EPHA1: variants seen among roughly 807,000 people sequenced by gnomAD.
EPHA1 encodes the protein EPH receptor A1, also known as ephrin type-A receptor 1.
In EPHA1, 92 loss-of-function variants were observed where a neutral mutation model predicts 110.1. That is an observed-to-expected ratio of 0.84 (90% CI 0.71 to 0.99). The LOEUF (loss-of-function observed/expected upper bound fraction) is 0.99, where lower values mean the gene tolerates loss of function less well. Among genes scored for constraint, EPHA1 ranks in the 50% least tolerant of loss-of-function variants. The probability of loss-of-function intolerance (pLI) is 0.00; values close to 1 mark genes in which losing one functional copy is unlikely to be tolerated. For missense variants in EPHA1, 1,204 were observed against 1,285.4 expected (o/e 0.94, Z 0.97); for synonymous variants, 500 against 516.1 (o/e 0.97, Z 0.42).
In EPHA1 at chr7:143,399,642, C is replaced by T. The variant is rs765393001; in HGVS notation, c.835+9G>A. On this transcript the variant is annotated intron_variant, in intron 4 of 17. Transcript: ENST00000275815. ...TGGTTCCTCAGGTTCTCACCGCCTCCGTTCTTACCAACACATGCTTCGCCA... is the reference window on the plus strand; with the variant it reads ...TGGTTCCTCAGGTTCTCACCGCCTCTGTTCTTACCAACACATGCTTCGCCA... The T allele has an allele frequency of 2.0e-5, 33 of 1,612,714 alleles. No homozygotes were observed. The highest frequency in any genetic ancestry group is 1.9e-4 in the Middle Eastern group (1 of 5,284).
Position 143,395,295 on chromosome 7 carries a change from G to C in EPHA1, c.2083+24C>G. On this transcript the variant is annotated intron_variant, in intron 12 of 17. Coordinates refer to ENST00000275815, the MANE Select transcript of EPHA1 (RefSeq NM_005232.5). This position sits in a 1 kb window ranked among gnomAD's most constrained non-coding sequence, Gnocchi z 4.7. ...CTCTTTCCTGCATTTCCCGCCCCCA[G>C]CTGAGGGAGACCACTCATCGTACGC... 6.2e-7 allele frequency: 1 copy of C among 1,613,994 alleles called. No individual in the cohort carries two copies. Among genetic ancestry groups the C allele is most frequent in the Non-Finnish European group, 8.5e-7 (1 of 1,179,966 alleles).
chr7:143,404,829 A>G (rs1407186851), intron 2 of EPHA1, among the ~76,000 whole-genome samples: 1 of 152,142 alleles, frequency 6.6e-6, no homozygotes, highest in African/African-American at 2.4e-5. Flanking sequence ...AAAAGCTCTC[A>G]AATTCTATAA....
In EPHA1 at chr7:143,408,831, T is replaced by C. The variant is rs1317778838; in HGVS notation, c.-26A>G. 2 of 980,472 alleles carry C rather than the reference T, an allele frequency of 2.0e-6. No homozygotes were observed. The highest frequency in any genetic ancestry group is 9.6e-5 in the South Asian group (2 of 20,826). The allele number at this position is 980,472 out of a possible 1,614,324, so 60.7% of individuals were successfully genotyped here. A position where few individuals can be genotyped will look rare whatever the true frequency, so the allele number is the denominator to read the frequency against. On this transcript the variant is annotated 5_prime_UTR_variant, in exon 1 of 18. Coordinates refer to ENST00000275815, the MANE Select transcript of EPHA1 (RefSeq NM_005232.5). ...AGCTCCGGGCCGGGACCTGGGACAG[T>C]GGCCCGGATGGCAGCGCCAGGTTGC...
At chr7:143,406,525 T>C (rs1361391285) in intron 2 of EPHA1, among the ~76,000 whole-genome samples, 1 of 152,230 alleles carries the variant, frequency 6.6e-6, no homozygotes, top group Non-Finnish European at 1.5e-5. Flanking sequence ...AGCAAACTAA[T>C]TGAACCCGAG....
In EPHA1 at chr7:143,407,186, C is replaced by T. The variant is rs953283536; in HGVS notation, c.150+425G>A. Reference sequence around the variant, plus strand: ...GTACACTTTCATGGGGTTTCCCCACCCCCTGAAACCTATCAATGCAACTTC... The same window carrying T: ...GTACACTTTCATGGGGTTTCCCCACTCCCTGAAACCTATCAATGCAACTTC... On this transcript the variant is annotated intron_variant, in intron 2 of 17. Transcript: ENST00000275815. Among the ~76,000 whole-genome samples, 4 of 152,108 alleles carry T rather than the reference C, an allele frequency of 2.6e-5. No homozygotes were observed. The South Asian group carries it at 8.3e-4, about 32-fold the overall frequency.
At chr7:143,392,241 T>C (rs564558341) in intron 16 of EPHA1, among the ~76,000 whole-genome samples, 1 of 152,338 alleles carries the variant, frequency 6.6e-6, no homozygotes, top group African/African-American at 2.4e-5. Flanking sequence ...CGGCTGTTAT[T>C]CTTGCACTCT....
intron 2 of EPHA1, among the ~76,000 whole-genome samples, chr7:143,403,571 C>A (rs1805475998): frequency 6.6e-6 from 1 of 151,910 alleles, no homozygotes. Context: ...GTAAGATTTC[C>A]ATGGAACTGC....
intron 10 of EPHA1, chr7:143,396,797 G>A (rs754569506): frequency 5.2e-6 from 2 of 387,092 alleles, no homozygotes; most frequent in South Asian, 3.0e-5. Flanking sequence ...TCTTCTCAGC[G>A]GCCAGTCCCC....
intron 2 of EPHA1, among the ~76,000 whole-genome samples, chr7:143,406,351 G>T (rs1171109580): frequency 2.6e-5 from 4 of 152,216 alleles, no homozygotes; most frequent in Non-Finnish European, 5.9e-5. Flanking sequence ...AGGGCTTCTG[G>T]ATGGCCATAC....
intron 1 of EPHA1, 23 bp from the exon 2 acceptor site, chr7:143,407,701 T>C (rs1443645965): frequency 6.8e-6 from 11 of 1,610,274 alleles, no homozygotes; most frequent in Non-Finnish European, 8.5e-6. Context: ...AGAAAAGAAG[T>C]CTGTCACCTC....
Position 143,398,147 on chromosome 7 carries a change from T to C in EPHA1, c.1465-77A>G, listed in dbSNP as rs558325954. 76 of 1,593,832 alleles carry C rather than the reference T, an allele frequency of 4.8e-5. 2 individuals carry two copies. In the South Asian group the frequency reaches 6.1e-4, roughly 13 times the overall value. ...ATGTGATGGACAGCATCAGAGCACA[T>C]GGGGAGGGGCTGGAGAGCAGAATGG... is the stretch of plus-strand genomic sequence containing the variant. On this transcript the variant is annotated intron_variant, in intron 7 of 17. Transcript: ENST00000275815.
At position 143,393,464 on chromosome 7, in the gene EPHA1, CTG is replaced by C. The variant is rs990081654; in HGVS notation, c.2696+205_2696+206del. On this transcript the variant is annotated intron_variant, in intron 16 of 17. Coordinates refer to ENST00000275815, the MANE Select transcript of EPHA1 (RefSeq NM_005232.5). This position sits in a 1 kb window ranked among gnomAD's most constrained non-coding sequence, Gnocchi z 5.6. The stretch of plus-strand genomic sequence containing the variant: ...CCCAAGCCCAGGTGAAGTGAGGGAA[CTG>C]GGGCCCAGCCATAACTGATTTTCTG... Among the ~76,000 whole-genome samples, 10 of 152,274 alleles carry C rather than the reference CTG, an allele frequency of 6.6e-5. No homozygotes were observed. Among genetic ancestry groups the C allele is most frequent in the African/African-American group, 2.4e-4 (10 of 41,552 alleles).
intron 2 of EPHA1, among the ~76,000 whole-genome samples, chr7:143,403,390 A>T (rs182604896): frequency 1.3e-5 from 2 of 151,606 alleles, no homozygotes; most frequent in Non-Finnish European, 1.5e-5. Context: ...TTTGAAAGAT[A>T]GCCACAAAAG....
In EPHA1 at chr7:143,398,063, T is replaced by C; in HGVS notation, c.1472A>G (p.Glu491Gly). 6.2e-7 allele frequency: 1 copy of C among 1,614,046 alleles called. No homozygotes were observed. Among genetic ancestry groups the C allele is most frequent in the Admixed American group, 1.7e-5 (1 of 60,010 alleles). ...YELHVLNQDE[E>G]RYQMVLEPRV... ...GGGTTCTAGAACCATCTGGTACCGT[T>C]CTTCATCCTGTGGGTTGGAGTTGCA... The change falls in exon 8 of 18, where the codon GAA becomes GGA. Residue 491 changes from glutamate (E) to glycine (G), a missense_variant. Glu to Gly is a moderately conservative substitution (Grantham distance 98). Transcript: ENST00000275815.
chr7:143,397,747 G>A, intron 8 of EPHA1, 90 bp from the exon 9 acceptor site: 4 of 1,548,892 alleles, frequency 2.6e-6, no homozygotes, highest in Non-Finnish European at 3.6e-6. Flanking sequence ...TACACCTAGG[G>A]TCAGACCTTT....
At chr7:143,392,729 G>A (rs1805124914) in intron 16 of EPHA1, among the ~76,000 whole-genome samples, 1 of 152,164 alleles carries the variant, frequency 6.6e-6, no homozygotes, top group East Asian at 1.9e-4. Context: ...GGATCATGAG[G>A]TCAGGAGTTC....
At position 143,401,200 on chromosome 7, in the gene EPHA1, G is replaced by A. The variant is rs970166372; in HGVS notation, c.432+124C>T. ...AAGCCACCATGCCCAGCCTTCAAGC[G>A]CCAAATTCTTTTCAAGATTCTACCT... On this transcript the variant is annotated intron_variant, in intron 3 of 17. Coordinates refer to ENST00000275815, the MANE Select transcript of EPHA1 (RefSeq NM_005232.5). The surrounding 1 kb of genome is among the most constrained non-coding windows in gnomAD (Gnocchi z 4.1). The A allele has an allele frequency of 1.1e-5, 15 of 1,313,502 alleles. No individual in the cohort carries two copies. Among genetic ancestry groups the A allele is most frequent in the East Asian group, 7.0e-5 (3 of 42,938 alleles). 81.4% of individuals were successfully genotyped at this position (1,313,502 alleles called of 1,614,324 possible).
At chr7:143,391,571 G>A (rs574507512) in intron 17 of EPHA1, 36 bp from the exon 18 acceptor site, 7 of 1,614,122 alleles carry the variant, frequency 4.3e-6, no homozygotes, top group Admixed American at 1.7e-5. Flanking sequence ...TGAGTCCGGA[G>A]GCTCCACCCC....
At chr7:143,407,750 C>A in intron 1 of EPHA1, 72 bp from the exon 2 acceptor site, 2 of 1,404,332 alleles carry the variant, frequency 1.4e-6, no homozygotes, top group Non-Finnish European at 2.0e-6. Flanking sequence ...ATTAATCATT[C>A]TGGGGCCTCA....
Sources: gnomAD v4.1 joint callset for allele counts (sites outside exome capture counted in the v4.1 genomes callset) on GRCh38, gnomAD v4.1.1 for gene constraint, Gnocchi (gnomAD v3.1) non-coding constraint, MANE v1.5 for transcripts, NCBI Gene and HGNC (gene_info 2026-07-23, HGNC 2026-07-21) for gene names.